CCDC148: variants seen among roughly 807,000 people sequenced by gnomAD.
CCDC148 encodes the protein coiled-coil domain containing 148.
In CCDC148, 89 loss-of-function variants were observed where a neutral mutation model predicts 85.7. The ratio of observed to expected loss-of-function variants is 1.04; its 90% CI spans 0.87 to 1.24. CCDC148 has a LOEUF of 1.24. CCDC148 is among the 50% of genes most tolerant of loss of function. The pLI is 0.00. For synonymous variants in CCDC148, 230 were observed against 213.9 expected (o/e 1.08, Z -0.66); for missense variants, 692 against 671.7 (o/e 1.03, Z -0.33).
chr2:158,327,142 T>C (rs7584486), intron 7 of CCDC148, among the ~76,000 whole-genome samples: 62,684 of 151,936 alleles, frequency 0.41, 13,530 homozygotes, highest in South Asian at 0.61. Context: ...CATATTCAAG[T>C]ACATTTATAT....
At position 158,295,540 on chromosome 2, in the gene CCDC148, T is replaced by A. The variant is rs549089783; in HGVS notation, c.1110+13893A>T. 2.6e-3 allele frequency among the ~76,000 whole-genome samples: 382 copies of A among 146,736 alleles called. 4 individuals are homozygous for A. Among genetic ancestry groups the A allele is most frequent in the Admixed American group, 0.017 (248 of 14,524 alleles). ...GCTTATCCACCATGATCAAGTGGGC[T>A]TCATCCCTGGGATGCAAGGCTGGTT... On this transcript the variant is annotated intron_variant, in intron 9 of 13. Coordinates refer to ENST00000283233, the MANE Select transcript of CCDC148 (RefSeq NM_138803.4).
chr2:158,401,144 G>A (rs999233501), intron 1 of CCDC148, among the ~76,000 whole-genome samples: 6 of 152,260 alleles, frequency 3.9e-5, no homozygotes, highest in South Asian at 2.1e-4. Context: ...ACACTGTGGC[G>A]ATTCCTGAAG....
At position 158,193,753 on chromosome 2, in the gene CCDC148, GAC is replaced by G. The variant is rs939201313; in HGVS notation, c.1371-14759_1371-14758del. On this transcript the variant is annotated intron_variant, in intron 11 of 13. Transcript: ENST00000283233. ...GCTTTATAGGAATACAACAGATAAA[GAC>G]ACACACTTATTAGGTGTATATGAAG... 1.7e-4 allele frequency among the ~76,000 whole-genome samples: 26 copies of G among 152,028 alleles called. No homozygotes were observed. The South Asian group carries it at 5.2e-3, about 30-fold the overall frequency.
At chr2:158,184,760 C>A (rs936174055) in intron 11 of CCDC148, among the ~76,000 whole-genome samples, 1 of 152,044 alleles carries the variant, frequency 6.6e-6, no homozygotes, top group Non-Finnish European at 1.5e-5. Context: ...GGATGAGAAC[C>A]AATGCTACAT....
At chr2:158,448,123 T>A (rs2160941) in intron 1 of CCDC148, among the ~76,000 whole-genome samples, 54,629 of 151,660 alleles carry the variant, frequency 0.36, 11,447 homozygotes, top group South Asian at 0.62. Context: ...AGTATTTCTT[T>A]AAAAAAAATC....
chr2:158,406,623 T>TGTTTTTTTTTTTTGTTTTTTTG (rs372903099), intron 1 of CCDC148, among the ~76,000 whole-genome samples: 4 of 102,860 alleles, frequency 3.9e-5, no homozygotes, highest in Non-Finnish European at 8.7e-5. Context: ...CTTTTTTTTT[T>TGTTTTTTTTTTTTGTTTTTTTG]TTTTTTTTTT....
At chr2:158,282,042 A>C (rs1192028657) in intron 9 of CCDC148, among the ~76,000 whole-genome samples, 1 of 151,992 alleles carries the variant, frequency 6.6e-6, no homozygotes, top group African/African-American at 2.4e-5. Context: ...GATTATCTCA[A>C]TAGATGCAGA....
At chr2:158,427,915 C>A (rs1431117806) in intron 1 of CCDC148, among the ~76,000 whole-genome samples, 1 of 152,004 alleles carries the variant, frequency 6.6e-6, no homozygotes, top group East Asian at 1.9e-4. Flanking sequence ...TGAAAGAAGC[C>A]AGTTGGTTGG....
chr2:158,224,833 C>T (rs1687410636), intron 10 of CCDC148, among the ~76,000 whole-genome samples: 1 of 152,110 alleles, frequency 6.6e-6, no homozygotes, highest in African/African-American at 2.4e-5. Flanking sequence ...CAACCGGTAC[C>T]AGCCACTGCA....
At chr2:158,440,486 C>G (rs1354659866) in intron 1 of CCDC148, among the ~76,000 whole-genome samples, 2 of 152,126 alleles carry the variant, frequency 1.3e-5, no homozygotes, top group African/African-American at 4.8e-5. Context: ...CCGTTATTCT[C>G]AGGAGATGCA....
At chr2:158,358,313 T>C in intron 2 of CCDC148, 136 bp downstream of exon 2, 1 of 949,474 alleles carries the variant, frequency 1.1e-6, no homozygotes. Context: ...TGTTAGCTGC[T>C]ATTCACTATT....
At chr2:158,376,276 C>G (rs1269408774) in intron 1 of CCDC148, among the ~76,000 whole-genome samples, 3 of 151,860 alleles carry the variant, frequency 2.0e-5, no homozygotes, top group African/African-American at 7.3e-5. Context: ...AAAGATATGT[C>G]AGTGGTTCTG....
At chr2:158,326,338 C>T (rs951534114) in intron 7 of CCDC148, among the ~76,000 whole-genome samples, 20 of 152,188 alleles carry the variant, frequency 1.3e-4, no homozygotes, top group African/African-American at 4.8e-4. Flanking sequence ...GCCACCAGAA[C>T]CCCAACACTT....
intron 1 of CCDC148, among the ~76,000 whole-genome samples, chr2:158,411,313 C>G (rs6437177): frequency 0.72 from 108,922 of 151,754 alleles, 39,890 homozygotes; most frequent in East Asian, 0.82. Context: ...CCCTATGACT[C>G]TGATAATTTG....
intron 1 of CCDC148, among the ~76,000 whole-genome samples, chr2:158,449,990 AT>A (rs5835706): frequency 6.3e-4 from 91 of 144,170 alleles, no homozygotes; most frequent in African/African-American, 2.0e-3. Context: ...TGTCATCTTC[AT>A]TTTTTTTTTT....
chr2:158,341,394 T>A (rs1046825705), intron 3 of CCDC148, among the ~76,000 whole-genome samples: 6 of 151,370 alleles, frequency 4.0e-5, no homozygotes, highest in Non-Finnish European at 5.9e-5. Context: ...GAAACCTCCA[T>A]CTCCTGAGTT....
At chr2:158,310,496 C>G (rs550838476) in intron 8 of CCDC148, among the ~76,000 whole-genome samples, 2 of 148,600 alleles carry the variant, frequency 1.3e-5, no homozygotes, top group Admixed American at 6.6e-5. Flanking sequence ...CCAGACGTGA[C>G]GGCTGGGCAG....
intron 11 of CCDC148, among the ~76,000 whole-genome samples, chr2:158,180,271 C>CT (rs375444207): frequency 1.6e-3 from 250 of 152,260 alleles, no homozygotes; most frequent in African/African-American, 5.5e-3. Context: ...AGGTCTTGTG[C>CT]TAAGTGCTTT....
At chr2:158,308,776 C>T (rs1445775528) in intron 9 of CCDC148, among the ~76,000 whole-genome samples, 2 of 152,314 alleles carry the variant, frequency 1.3e-5, no homozygotes, top group East Asian at 1.9e-4. Context: ...TGCAATTATT[C>T]CCAGCACAAC....
Sources: allele counts gnomAD v4.1 joint callset (sites outside exome capture counted in the v4.1 genomes callset), GRCh38; gene constraint gnomAD v4.1.1; transcripts MANE v1.5; gene names NCBI Gene and HGNC (gene_info 2026-07-23, HGNC 2026-07-21).